The following SLC25A48 variants were observed in gnomAD, a reference collection of about 807,000 sequenced individuals.
SLC25A48 encodes the protein solute carrier family 25 member 48.
A neutral mutation model predicts 32.2 loss-of-function variants in SLC25A48; 29 were observed. The ratio of observed to expected loss-of-function variants is 0.90; its 90% confidence interval spans 0.67 to 1.23. SLC25A48 has a LOEUF of 1.23. SLC25A48 is among the 50% of genes most tolerant of loss of function. The pLI is 0.00. For missense variants in SLC25A48, 399 were observed against 422.7 expected (o/e 0.94, Z 0.49); for synonymous variants, 164 against 172.3 (o/e 0.95, Z 0.38).
chr5:135,719,807 A>C (rs1292226253), intron 3 of SLC25A48, among the ~76,000 whole-genome samples: 1 of 152,180 alleles, frequency 6.6e-6, no homozygotes, highest in Admixed American at 6.5e-5. Context: ...GCCCTCCTGC[A>C]GTCCAGCCCT....
intron 1 of SLC25A48, among the ~76,000 whole-genome samples, chr5:135,591,037 G>T (rs1371771756): frequency 6.6e-6 from 1 of 152,216 alleles, no homozygotes; most frequent in Non-Finnish European, 1.5e-5. Context: ...GTGCTGCCTG[G>T]CACTCAGGTA....
chr5:135,599,353 C>G (rs1298922438), intron 1 of SLC25A48, among the ~76,000 whole-genome samples: 1 of 152,122 alleles, frequency 6.6e-6, no homozygotes, highest in Non-Finnish European at 1.5e-5. Flanking sequence ...AGTTGGCATC[C>G]TTAGAGCTCA....
intron 1 of SLC25A48, among the ~76,000 whole-genome samples, chr5:135,615,815 C>T (rs1430094637): frequency 6.6e-6 from 1 of 152,226 alleles, no homozygotes. Flanking sequence ...TGAGGCAGCC[C>T]CTCTCATCCC....
At chr5:135,832,995 G>A (rs1021722197), upstream of SLC25A48, among the ~76,000 whole-genome samples, 2 of 152,230 alleles carry the variant, frequency 1.3e-5, no homozygotes, top group Non-Finnish European at 2.9e-5. Flanking sequence ...TCTGAAGTGC[G>A]AAGGCCAGGA....
intron 1 of SLC25A48, among the ~76,000 whole-genome samples, chr5:135,613,894 C>A (rs571248435): frequency 6.6e-6 from 1 of 152,230 alleles, no homozygotes; most frequent in South Asian, 2.1e-4. Context: ...AGATTTGTTT[C>A]TTTTGTTCCA....
chr5:135,691,908 G>A (rs1360613846), intron 3 of SLC25A48, among the ~76,000 whole-genome samples: 1 of 152,170 alleles, frequency 6.6e-6, no homozygotes, highest in Non-Finnish European at 1.5e-5. Flanking sequence ...AGTGTGGTTG[G>A]TGTCAGGAGC....
intron 3 of SLC25A48, among the ~76,000 whole-genome samples, chr5:135,683,172 A>G (rs2126951895): frequency 6.6e-6 from 1 of 152,352 alleles, no homozygotes; most frequent in Admixed American, 6.5e-5. Flanking sequence ...GACAGAATGA[A>G]AATGGATAAA....
intron 3 of SLC25A48, among the ~76,000 whole-genome samples, chr5:135,785,669 G>C (rs1316273185): frequency 6.6e-6 from 1 of 151,176 alleles, no homozygotes; most frequent in Non-Finnish European, 1.5e-5. Context: ...ATGGGGAGAG[G>C]GGGGTGGAAC....
intron 3 of SLC25A48, among the ~76,000 whole-genome samples, chr5:135,713,324 G>A (rs1381532510): frequency 6.6e-6 from 1 of 152,316 alleles, no homozygotes; most frequent in Non-Finnish European, 1.5e-5. Context: ...GATGCTAGTA[G>A]TTTGGTATTT....
intron 4 of SLC25A48, among the ~76,000 whole-genome samples, chr5:135,870,764 A>C (rs6889374): frequency 0.092 from 14,029 of 152,086 alleles, 1,080 homozygotes; most frequent in African/African-American, 0.21. Flanking sequence ...AACACTGTAC[A>C]TGTATTACCT....
intron 3 of SLC25A48, among the ~76,000 whole-genome samples, chr5:135,775,005 G>T (rs1322281549): frequency 1.3e-5 from 2 of 151,614 alleles, no homozygotes; most frequent in Non-Finnish European, 2.9e-5. Context: ...ATATCCAGGG[G>T]GTGACAATGA....
intron 3 of SLC25A48, among the ~76,000 whole-genome samples, chr5:135,794,576 G>T (rs1222101157): frequency 6.8e-6 from 1 of 147,222 alleles, no homozygotes; most frequent in Admixed American, 6.8e-5. Context: ...ATTGCAGAAG[G>T]TGTACACTCC....
At chr5:135,816,339 A>C (rs960031301) in intron 4 of SLC25A48, among the ~76,000 whole-genome samples, 13 of 152,222 alleles carry the variant, frequency 8.5e-5, no homozygotes, top group African/African-American at 2.7e-4. Flanking sequence ...ATTTGCTACT[A>C]AAATAAAAAC....
At chr5:135,855,963 C>T (rs547831246) in intron 4 of SLC25A48, among the ~76,000 whole-genome samples, 1 of 152,338 alleles carries the variant, frequency 6.6e-6, no homozygotes, top group South Asian at 2.1e-4. Flanking sequence ...CTCGTTCCTC[C>T]TTGCTGGGAA....
At chr5:135,625,740 G>T (rs1302130768) in intron 1 of SLC25A48, among the ~76,000 whole-genome samples, 1 of 152,120 alleles carries the variant, frequency 6.6e-6, no homozygotes, top group East Asian at 1.9e-4. Context: ...GGGGAAGAAG[G>T]TCATTGATAG....
chr5:135,766,357 G>A (rs199806613), intron 3 of SLC25A48, among the ~76,000 whole-genome samples: 6 of 73,870 alleles, frequency 8.1e-5, no homozygotes, highest in South Asian at 8.3e-4. Context: ...AATATCAAGG[G>A]GGGGGGAAGA....
chr5:135,719,720 A>G (rs1381718270), intron 3 of SLC25A48, among the ~76,000 whole-genome samples: 2 of 152,104 alleles, frequency 1.3e-5, no homozygotes, highest in African/African-American at 4.8e-5. Flanking sequence ...AGCTGAGGGT[A>G]TGGCCTCTCT....
intron 3 of SLC25A48, among the ~76,000 whole-genome samples, chr5:135,665,737 T>G (rs957225825): frequency 6.7e-6 from 1 of 149,706 alleles, no homozygotes; most frequent in African/African-American, 2.5e-5. Context: ...GATACTAAAT[T>G]TTCTTAAACA....
intron 3 of SLC25A48, among the ~76,000 whole-genome samples, chr5:135,718,389 G>A (rs890995082): frequency 4.6e-5 from 7 of 152,168 alleles, no homozygotes; most frequent in African/African-American, 1.7e-4. Context: ...ATGTGACATA[G>A]CTCATCTCAA....
Sources: gnomAD v4.1 joint callset for allele counts (sites outside exome capture counted in the v4.1 genomes callset) on GRCh38, gnomAD v4.1.1 for gene constraint, MANE v1.5 for transcripts, NCBI Gene and HGNC (gene_info 2026-07-23, HGNC 2026-07-21) for gene names.